Variants in GNPAT observed in about 807,000 individuals in gnomAD.
GNPAT encodes the protein glyceronephosphate O-acyltransferase.
A neutral mutation model predicts 78.4 loss-of-function variants in GNPAT; 30 were observed. The observed-to-expected ratio is 0.38, with a 90% CI of 0.29 to 0.52. The LOEUF (loss-of-function observed/expected upper bound fraction) is 0.52. GNPAT is among the 20% of genes least tolerant of loss of function. The pLI, the probability that GNPAT is intolerant of heterozygous loss-of-function variation, is 0.84. For synonymous variants in GNPAT, 271 were observed against 281.1 expected (o/e 0.96, Z 0.36); for missense variants, 714 against 812.2 (o/e 0.88, Z 1.47).
At chr1:231,260,411 A>T in intron 2 of GNPAT, 96 bp from the exon 3 acceptor site, 1 of 825,144 alleles carries the variant, frequency 1.2e-6, no homozygotes, top group Non-Finnish European at 2.1e-6. Context: ...ATAGAAGATT[A>T]ATCCATTTGG....
intron 2 of GNPAT, among the ~76,000 whole-genome samples, chr1:231,259,810 G>T (rs1685173980): frequency 6.6e-6 from 1 of 152,116 alleles, no homozygotes; most frequent in Admixed American, 6.6e-5. Context: ...GAAGCATAAG[G>T]ATTACTTATC....
At chr1:231,267,969 G>GAA (rs1685438483) in intron 9 of GNPAT, 66 bp downstream of exon 9, 4 of 1,014,764 alleles carry the variant, frequency 3.9e-6, no homozygotes, top group African/African-American at 1.6e-5. Flanking sequence ...ACCTGGACCT[G>GAA]AAAAATCTAT....
chr1:231,249,053 A>T (rs2102799937), intron 1 of GNPAT, among the ~76,000 whole-genome samples: 1 of 152,242 alleles, frequency 6.6e-6, no homozygotes, highest in Non-Finnish European at 1.5e-5. Flanking sequence ...GCTGATTCTG[A>T]TCCTTTTCTC....
At chr1:231,251,217 G>T in intron 2 of GNPAT, 74 bp downstream of exon 2, 1 of 897,878 alleles carries the variant, frequency 1.1e-6, no homozygotes, top group East Asian at 2.4e-5. Flanking sequence ...AACTTATTTT[G>T]CTACTTTAAT....
chr1:231,276,230 AT>A (rs776181571), intron 15 of GNPAT, 34 bp downstream of exon 15: 1 of 1,029,668 alleles, frequency 9.7e-7, no homozygotes, highest in Non-Finnish European at 1.5e-6. Context: ...AAGTTTTCAC[AT>A]TTTGTTGATG....
At chr1:231,264,175 C>T (rs985393815) in intron 4 of GNPAT, among the ~76,000 whole-genome samples, 4 of 152,120 alleles carry the variant, frequency 2.6e-5, no homozygotes, top group African/African-American at 4.8e-5. Flanking sequence ...TTGCCAAATC[C>T]GAGGTCATGA....
chr1:231,254,527 T>C (rs938661296), intron 2 of GNPAT, among the ~76,000 whole-genome samples: 1 of 151,824 alleles, frequency 6.6e-6, no homozygotes, highest in Non-Finnish European at 1.5e-5. Flanking sequence ...CTGCAAGCTC[T>C]GCCTCCCGGG....
rs199905093 is a variant in GNPAT, at chr1:231,265,278, TC to T, written c.569-11del. 16,379 of 1,588,012 alleles carry T rather than the reference TC, an allele frequency of 0.01. 125 individuals carry two copies. The highest frequency in any genetic ancestry group is 0.012 in the South Asian group (1,061 of 90,572). ...TTTCAAGATCTGCAAATAAATATTA[TC>T]CCCTCTTTTTTAGACTTCCTGGGAA... On this transcript the variant is annotated splice_polypyrimidine_tract_variant and intron_variant, in intron 4 of 15. Transcript: ENST00000366647.
At position 231,265,302 on chromosome 1, in the gene GNPAT, G is replaced by A. The variant is rs1685344764; in HGVS notation, c.578G>A (p.Gly193Glu). The change falls in exon 5 of 16, where the codon GGA (glycine) becomes GAA (glutamate). Residue 193 changes from glycine (G) to glutamate (E), a missense_variant. Gly to Glu is a moderately conservative substitution (Grantham distance 98, BLOSUM62 -2). Transcript: ENST00000366647. ...ATCCCCTCTTTTTTAGACTTCCTGG[G>A]AATGAAAATGGTTGGTGAGCTGCTA... ...PVIAAGMDFL[G>E]MKMVGELLRM... 6.2e-7 allele frequency: 1 copy of A among 1,611,944 alleles called. No individual in the cohort carries two copies.
intron 2 of GNPAT, among the ~76,000 whole-genome samples, chr1:231,252,993 G>A (rs1340404229): frequency 6.6e-6 from 1 of 152,068 alleles, no homozygotes; most frequent in Non-Finnish European, 1.5e-5. Flanking sequence ...TTTTGAGACG[G>A]AGTCTTACTC....
chr1:231,276,067 G>A, intron 14 of GNPAT, 68 bp from the exon 15 acceptor site: 1 of 770,168 alleles, frequency 1.3e-6, no homozygotes, highest in Non-Finnish European at 2.3e-6. Flanking sequence ...GCTACGTCAG[G>A]AACAAAATAT....
In GNPAT at chr1:231,277,619, T is replaced by G; in HGVS notation, c.*77T>G. 1.2e-6 allele frequency: 1 copy of G among 867,524 alleles called. No homozygotes were observed. Among genetic ancestry groups the G allele is most frequent in the Non-Finnish European group, 2.0e-6 (1 of 499,086 alleles). 53.7% of individuals were successfully genotyped at this position (867,524 alleles called of 1,614,324 possible). A position where few individuals can be genotyped will look rare whatever the true frequency, so the allele number is the denominator to read the frequency against. ...GGACTCATTACAACAAACAGGGAAG[T>G]AAAGGAAGAGACACATCCTCTCATA... On this transcript the variant is annotated 3_prime_UTR_variant, in exon 16 of 16. Coordinates refer to ENST00000366647, the MANE Select transcript of GNPAT (RefSeq NM_014236.4).
rs372823753 is a variant in GNPAT, at chr1:231,275,405, G to C, written c.1844G>C (p.Gly615Ala). The C allele has an allele frequency of 6.2e-7, 1 of 1,604,456 alleles. No homozygotes were observed. Among genetic ancestry groups the C allele is most frequent in the African/African-American group, 1.3e-5 (1 of 74,694 alleles). ...RKFTSQLLDQGTSQCYDVLSS... is the reference protein window; with the variant it reads ...RKFTSQLLDQATSQCYDVLSS... Reference sequence around the variant, plus strand: ...AACTCTTCCTCACCCCCAATTTTAGGTACCTCTCAATGTTATGATGTATTA... The same window carrying C: ...AACTCTTCCTCACCCCCAATTTTAGCTACCTCTCAATGTTATGATGTATTA... The change falls in exon 14 of 16, where the codon GGT becomes GCT. Residue 615 changes from glycine to alanine, a missense_variant and splice_region_variant. Physicochemically the swap from Gly to Ala is moderately conservative, Grantham distance 60 (BLOSUM62 0). Coordinates refer to ENST00000366647, the MANE Select transcript of GNPAT (RefSeq NM_014236.4).
intron 2 of GNPAT, among the ~76,000 whole-genome samples, chr1:231,251,735 G>A (rs979155417): frequency 6.6e-6 from 1 of 152,146 alleles, no homozygotes; most frequent in Non-Finnish European, 1.5e-5. Flanking sequence ...AAGGACCGAA[G>A]CCTTGAAAAG....
chr1:231,272,239 G>A, intron 10 of GNPAT, 73 bp from the exon 11 acceptor site: 1 of 791,262 alleles, frequency 1.3e-6, no homozygotes, highest in African/African-American at 1.7e-5. Flanking sequence ...TTTTGTGATA[G>A]TAAGGACTTC....
chr1:231,264,737 G>A (rs531816139), intron 4 of GNPAT, among the ~76,000 whole-genome samples: 1 of 152,280 alleles, frequency 6.6e-6, no homozygotes, highest in African/African-American at 2.4e-5. Context: ...TTCCTGGTAG[G>A]CAAAAGATGA....
rs983585327 is a variant in GNPAT at position 231,251,051 on chromosome 1, C to T, written c.169C>T (p.Pro57Ser). ...GAAATTTGCAATGAAATGCTACACA[C>T]CTCTTGTCTATAAGGGAATTACTCC... ...DLKFAMKCYT[P>S]LVYKGITPCK... The change falls in exon 2 of 16, where the codon CCT becomes TCT. Residue 57 changes from proline (P) to serine (S), a missense_variant. Transcript: ENST00000366647. 5 of 1,592,322 alleles carry T rather than the reference C, an allele frequency of 3.1e-6. No homozygotes were observed. Among genetic ancestry groups the T allele is most frequent in the African/African-American group, 2.7e-5 (2 of 74,632 alleles).
At chr1:231,267,039 T>C (rs1310104980) in intron 8 of GNPAT, among the ~76,000 whole-genome samples, 3 of 152,210 alleles carry the variant, frequency 2.0e-5, no homozygotes, top group African/African-American at 7.2e-5. Flanking sequence ...CAGACGCTTA[T>C]GTTAGTTTTT....
At chr1:231,277,398 A>G in intron 15 of GNPAT, 101 bp from the exon 16 acceptor site, 1 of 794,538 alleles carries the variant, frequency 1.3e-6, no homozygotes, top group Non-Finnish European at 2.3e-6. Context: ...GCTCTGCACA[A>G]GTCTCCAGCT....
Sources: gnomAD v4.1 joint callset for allele counts (sites outside exome capture counted in the v4.1 genomes callset) on GRCh38, gnomAD v4.1.1 for gene constraint, MANE v1.5 for transcripts, NCBI Gene and HGNC (gene_info 2026-07-23, HGNC 2026-07-21) for gene names.